ALK: variants seen among roughly 807,000 people sequenced by gnomAD.
ALK encodes ALK tyrosine kinase receptor.
In ALK, 74 loss-of-function variants were observed where a neutral mutation model predicts 163.1. The ratio of observed to expected loss-of-function variants is 0.45; its 90% confidence interval spans 0.38 to 0.55. The LOEUF (loss-of-function observed/expected upper bound fraction) is 0.55. Among genes scored for constraint, ALK ranks in the 20% least tolerant of loss-of-function variants. The pLI, the probability that ALK is intolerant of heterozygous loss-of-function variation, is 0.00. For synonymous variants in ALK, 960 were observed against 843.2 expected, an observed-to-expected ratio of 1.14 and a Z score of -2.40; for missense variants, 2,063 against 2,105.3, an observed-to-expected ratio of 0.98 and a Z score of 0.39.
At chr2:29,536,925 T>A (rs1431080629) in intron 3 of ALK, among the ~76,000 whole-genome samples, 1 of 152,226 alleles carries the variant, frequency 6.6e-6, no homozygotes, top group East Asian at 1.9e-4. Flanking sequence ...TTAAGAGTGA[T>A]AACTTAGGGT....
intron 1 of ALK, among the ~76,000 whole-genome samples, chr2:29,807,075 G>C (rs1210515078): frequency 6.6e-6 from 1 of 152,230 alleles, no homozygotes; most frequent in East Asian, 1.9e-4. Flanking sequence ...AATCTGTGCA[G>C]ATTGAAGATG....
chr2:29,435,870 A>C (rs1370471451), intron 4 of ALK, among the ~76,000 whole-genome samples: 3 of 152,168 alleles, frequency 2.0e-5, no homozygotes, highest in Admixed American at 2.0e-4. Flanking sequence ...TTTTCTGTAT[A>C]AGACATGGCT....
At chr2:29,426,356 C>T (rs2148070900) in intron 4 of ALK, among the ~76,000 whole-genome samples, 1 of 152,252 alleles carries the variant, frequency 6.6e-6, no homozygotes, top group South Asian at 2.1e-4. Flanking sequence ...CATCCACACA[C>T]AGACTCATGG....
At chr2:29,864,097 G>A (rs983137334) in intron 1 of ALK, among the ~76,000 whole-genome samples, 2 of 152,162 alleles carry the variant, frequency 1.3e-5, no homozygotes, top group African/African-American at 4.8e-5. Context: ...CTGAGGCACA[G>A]AGTGGTTACC....
intron 1 of ALK, among the ~76,000 whole-genome samples, chr2:29,868,471 A>T (rs1368585025): frequency 6.6e-6 from 1 of 152,220 alleles, no homozygotes; most frequent in Admixed American, 6.5e-5. Context: ...TAATTGAAGA[A>T]AAAAACAAAG....
chr2:29,516,812 C>T (rs965384863), intron 4 of ALK, among the ~76,000 whole-genome samples: 3 of 152,178 alleles, frequency 2.0e-5, no homozygotes, highest in Non-Finnish European at 2.9e-5. Context: ...GTGCTATAAA[C>T]GTGGTAGCTG....
chr2:29,777,643 G>A (rs758422154), intron 1 of ALK, among the ~76,000 whole-genome samples: 1 of 152,106 alleles, frequency 6.6e-6, no homozygotes, highest in Non-Finnish European at 1.5e-5. Context: ...ATAAGATGAG[G>A]GACAGACTGA....
chr2:29,321,326 T>C (rs548966681), intron 6 of ALK, among the ~76,000 whole-genome samples: 7 of 152,354 alleles, frequency 4.6e-5, no homozygotes, highest in Admixed American at 3.3e-4. Flanking sequence ...GCTCACTACA[T>C]TTCTAATGGT....
At chr2:29,200,488 C>G (rs1317135052) in intron 26 of ALK, among the ~76,000 whole-genome samples, 2 of 151,954 alleles carry the variant, frequency 1.3e-5, no homozygotes, top group African/African-American at 4.8e-5. Flanking sequence ...ATAAGCAACA[C>G]ATAGTTTTTT....
chr2:29,260,860 A>C (rs1220025784), intron 11 of ALK, among the ~76,000 whole-genome samples: 1 of 146,438 alleles, frequency 6.8e-6, no homozygotes, highest in Non-Finnish European at 1.5e-5. Context: ...AAAAAAAAAA[A>C]CAACAACAAA....
chr2:29,572,757 T>A (rs1013544834), intron 3 of ALK, among the ~76,000 whole-genome samples: 1 of 152,188 alleles, frequency 6.6e-6, no homozygotes, highest in Non-Finnish European at 1.5e-5. Context: ...AACAGATGAA[T>A]GAAGACTTCT....
chr2:29,550,888 C>A (rs888148057), intron 3 of ALK, among the ~76,000 whole-genome samples: 2 of 152,122 alleles, frequency 1.3e-5, no homozygotes, highest in African/African-American at 4.8e-5. Flanking sequence ...TATTCTTTCA[C>A]TTAACATTGT....
intron 1 of ALK, among the ~76,000 whole-genome samples, chr2:29,874,416 C>T (rs982556376): frequency 5.3e-5 from 8 of 152,154 alleles, no homozygotes; most frequent in Non-Finnish European, 8.8e-5. Context: ...CAGATGTTTT[C>T]CTCTCTCTTG....
At chr2:29,596,795 C>T (rs1043812765) in intron 3 of ALK, among the ~76,000 whole-genome samples, 16 of 152,190 alleles carry the variant, frequency 1.1e-4, no homozygotes, top group African/African-American at 3.9e-4. Flanking sequence ...CAGGGCACGT[C>T]CCTACTTCTA....
In ALK at chr2:29,825,747, C is replaced by T. The variant is rs74960127; in HGVS notation, c.667+94246G>A. Among the ~76,000 whole-genome samples the T allele has an allele frequency of 1.8e-3, 265 of 151,178 alleles. 3 individuals carry two copies. Among genetic ancestry groups the T allele is most frequent in the African/African-American group, 6.2e-3 (253 of 41,138 alleles). On this transcript the variant is annotated intron_variant, in intron 1 of 28. Transcript: ENST00000389048. ...TTTAAATCGTTGTGTACCAAAGATT[C>T]GACAGATGAAGGTAAAAGAAACAAA...
chr2:29,762,012 G>C (rs1390144035), intron 1 of ALK, among the ~76,000 whole-genome samples: 1 of 152,196 alleles, frequency 6.6e-6, no homozygotes, highest in Non-Finnish European at 1.5e-5. Flanking sequence ...TAAATATAGA[G>C]TAGGGGAATA....
chr2:29,717,285 T>C (rs1367737209), intron 2 of ALK, among the ~76,000 whole-genome samples: 1 of 151,612 alleles, frequency 6.6e-6, no homozygotes, highest in African/African-American at 2.4e-5. Context: ...CCTCTAATGA[T>C]TGATAAGGGG....
chr2:29,279,337 G>A (rs1000287369), intron 9 of ALK, among the ~76,000 whole-genome samples: 3 of 152,130 alleles, frequency 2.0e-5, no homozygotes, highest in Non-Finnish European at 4.4e-5. Flanking sequence ...CTGTCCACCC[G>A]GGGCCACCCA....
intron 12 of ALK, 59 bp from the exon 13 acceptor site, chr2:29,239,889 G>T: frequency 6.4e-7 from 1 of 1,573,972 alleles, no homozygotes. Context: ...CCCCCTTCCT[G>T]CCAACCCAGC....
Sources: allele counts gnomAD v4.1 joint callset (sites outside exome capture counted in the v4.1 genomes callset), GRCh38; gene constraint gnomAD v4.1.1; transcripts MANE v1.5; gene names NCBI Gene and HGNC (gene_info 2026-07-23, HGNC 2026-07-21).